The following SH2D4B variants were observed in gnomAD, a reference collection of about 807,000 sequenced individuals.
SH2D4B encodes the protein SH2 domain containing 4B.
SH2D4B carries 45 observed loss-of-function variants against 61.5 expected under a neutral mutation model. The observed-to-expected ratio is 0.73, with a 90% confidence interval of 0.58 to 0.94. The LOEUF is 0.94. SH2D4B is among the 40% of genes least tolerant of loss of function. The pLI is 0.00. For synonymous variants in SH2D4B, 224 were observed against 220.4 expected, an observed-to-expected ratio of 1.02 and a Z score of -0.14; for missense variants, 572 against 574.2, an observed-to-expected ratio of 1.00 and a Z score of 0.04.
intron 6 of SH2D4B, among the ~76,000 whole-genome samples, chr10:80,633,029 G>C (rs1842849982): frequency 6.6e-6 from 1 of 152,028 alleles, no homozygotes; most frequent in Non-Finnish European, 1.5e-5. Flanking sequence ...ATTTGGCAGT[G>C]TGGTTGCCTC....
At chr10:80,615,409 C>T (rs540820033) in intron 6 of SH2D4B, among the ~76,000 whole-genome samples, 70 of 152,244 alleles carry the variant, frequency 4.6e-4, no homozygotes, top group Non-Finnish European at 8.5e-4. Flanking sequence ...GCATATACTG[C>T]CATCCAGGGA....
intron 3 of SH2D4B, among the ~76,000 whole-genome samples, chr10:80,587,139 TTTTTTTG>T (rs1842265486): frequency 1.9e-5 from 1 of 53,040 alleles, no homozygotes; most frequent in South Asian, 4.8e-4. Context: ...CGTTTTTTTT[TTTTTTTG>T]TTTTGTTTTT....
chr10:80,631,545 G>A (rs1201979202), intron 6 of SH2D4B, among the ~76,000 whole-genome samples: 1 of 152,182 alleles, frequency 6.6e-6, no homozygotes, highest in Non-Finnish European at 1.5e-5. Context: ...CACCACACCA[G>A]GCCTAACCTA....
intron 1 of SH2D4B, among the ~76,000 whole-genome samples, chr10:80,565,657 G>C (rs1383779314): frequency 1.3e-5 from 2 of 152,178 alleles, no homozygotes; most frequent in East Asian, 1.9e-4. Flanking sequence ...TGCTCGATAA[G>C]ATCACCAAGG....
intron 6 of SH2D4B, among the ~76,000 whole-genome samples, chr10:80,617,535 G>T (rs1842674158): frequency 6.6e-6 from 1 of 152,196 alleles, no homozygotes; most frequent in Non-Finnish European, 1.5e-5. Context: ...TGTCAAGTTT[G>T]TGTTGAGTGC....
At chr10:80,583,287 A>T (rs1020784193) in intron 3 of SH2D4B, among the ~76,000 whole-genome samples, 1 of 138,232 alleles carries the variant, frequency 7.2e-6, no homozygotes, top group African/African-American at 3.0e-5. Context: ...GAGAGCTTGG[A>T]AATTACACGT....
chr10:80,567,090 G>A (rs143514509), intron 1 of SH2D4B, among the ~76,000 whole-genome samples: 95 of 152,244 alleles, frequency 6.2e-4, no homozygotes, highest in African/African-American at 2.1e-3. Context: ...GCTTGCTTTC[G>A]AATATTGGAT....
intron 6 of SH2D4B, among the ~76,000 whole-genome samples, chr10:80,623,166 C>G (rs1035238545): frequency 6.6e-6 from 1 of 152,264 alleles, no homozygotes; most frequent in Non-Finnish European, 1.5e-5. Flanking sequence ...CCGCCTGCCT[C>G]GGCCTCCCAG....
intron 6 of SH2D4B, among the ~76,000 whole-genome samples, chr10:80,618,547 A>G (rs996983539): frequency 1.3e-5 from 2 of 152,232 alleles, no homozygotes; most frequent in Non-Finnish European, 2.9e-5. Context: ...GGATGCTTTG[A>G]GATACTGTTG....
intron 4 of SH2D4B, among the ~76,000 whole-genome samples, chr10:80,590,709 C>G (rs1276459683): frequency 2.0e-5 from 3 of 152,046 alleles, no homozygotes; most frequent in Non-Finnish European, 2.9e-5. Context: ...ATTAAATAGA[C>G]TTGAAAATGG....
At position 80,622,978 on chromosome 10, in the gene SH2D4B, T is replaced by C. The variant is rs559257153; in HGVS notation, c.989-11307T>C. Among the ~76,000 whole-genome samples, 16 of 152,300 alleles carry C rather than the reference T, an allele frequency of 1.1e-4. 1 individual carries two copies. The South Asian group carries it at 3.1e-3, about 30-fold the overall frequency. On this transcript the variant is annotated intron_variant, in intron 6 of 7. Coordinates refer to ENST00000646907, the MANE Select transcript of SH2D4B (RefSeq NM_001388272.1). ...TCACCCAGGTTGGAGTGCAGTGGCG[T>C]GATCTCAGCTCACTGCAACCTCCTC... is the stretch of plus-strand genomic sequence containing the variant.
chr10:80,544,001 G>A (rs554937323), intron 1 of SH2D4B, among the ~76,000 whole-genome samples: 4 of 151,780 alleles, frequency 2.6e-5, no homozygotes, highest in South Asian at 2.1e-4. Context: ...GGATGTGGGT[G>A]GGGCCAGATA....
intron 1 of SH2D4B, among the ~76,000 whole-genome samples, chr10:80,543,973 C>G (rs188092157): frequency 7.5e-5 from 10 of 132,590 alleles, no homozygotes; most frequent in South Asian, 2.3e-4. Flanking sequence ...ACAGACCACT[C>G]GGCTCTACCA....
chr10:80,611,571 C>T (rs1335591250), intron 6 of SH2D4B, among the ~76,000 whole-genome samples: 1 of 152,178 alleles, frequency 6.6e-6, no homozygotes, highest in African/African-American at 2.4e-5. Flanking sequence ...CCCGGTAGAA[C>T]TTCCATTTAA....
At chr10:80,578,723 G>A (rs1286947148) in intron 3 of SH2D4B, among the ~76,000 whole-genome samples, 1 of 152,170 alleles carries the variant, frequency 6.6e-6, no homozygotes, top group Non-Finnish European at 1.5e-5. Context: ...GTCAGATGAA[G>A]TTTTAGGAGC....
At chr10:80,556,637 C>T (rs1841842100) in intron 1 of SH2D4B, among the ~76,000 whole-genome samples, 1 of 152,102 alleles carries the variant, frequency 6.6e-6, no homozygotes, top group Admixed American at 6.5e-5. Context: ...GTTAATATCT[C>T]TTAGTATTTC....
intron 5 of SH2D4B, among the ~76,000 whole-genome samples, chr10:80,604,704 T>C (rs1842495371): frequency 6.6e-6 from 1 of 151,934 alleles, no homozygotes; most frequent in Non-Finnish European, 1.5e-5. Flanking sequence ...CCAGAAGGTT[T>C]AAAAAGGTAT....
chr10:80,573,141 C>T (rs12569542), intron 3 of SH2D4B, among the ~76,000 whole-genome samples: 25,657 of 144,882 alleles, frequency 0.18, 3,012 homozygotes, highest in East Asian at 0.38. Context: ...CCCGCCACCG[C>T]GCCCGGCTAA....
chr10:80,556,986 G>T (rs1009882130), intron 1 of SH2D4B, among the ~76,000 whole-genome samples: 1 of 152,074 alleles, frequency 6.6e-6, no homozygotes, highest in Non-Finnish European at 1.5e-5. Flanking sequence ...AATCTTAGAG[G>T]GAAGTATTCA....
Sources: gnomAD v4.1 joint callset for allele counts (sites outside exome capture counted in the v4.1 genomes callset) on GRCh38, gnomAD v4.1.1 for gene constraint, MANE v1.5 for transcripts, NCBI Gene and HGNC (gene_info 2026-07-23, HGNC 2026-07-21) for gene names.